The following FBXL2 variants were observed in gnomAD, a reference collection of about 807,000 sequenced individuals.
FBXL2 encodes F-box and leucine rich repeat protein 2, also known as F-box/LRR-repeat protein 2.
In FBXL2, 38 loss-of-function variants were observed where a neutral mutation model predicts 69.2. That is an observed-to-expected ratio of 0.55 (90% CI 0.42 to 0.72). The LOEUF (loss-of-function observed/expected upper bound fraction) is 0.72, where lower values mean the gene tolerates loss of function less well. FBXL2 is among the 30% of genes least tolerant of loss of function. The probability of loss-of-function intolerance (pLI) is 0.00; values close to 1 mark genes in which losing one functional copy is unlikely to be tolerated. For missense variants in FBXL2, 354 were observed against 520.3 expected, an observed-to-expected ratio of 0.68 and a Z score of 3.11; for synonymous variants, 192 against 201.3, an observed-to-expected ratio of 0.95 and a Z score of 0.39.
chr3:33,421,484 G>C, the FBXL2 span, among the ~76,000 whole-genome samples: 6 of 152,020 alleles, frequency 3.9e-5, no homozygotes, highest in Non-Finnish European at 5.9e-5. Context: ...TGGCCAGGCT[G>C]GTCTCGAACT....
At chr3:33,320,667 G>A (rs917799487) in intron 2 of FBXL2, among the ~76,000 whole-genome samples, 1 of 151,914 alleles carries the variant, frequency 6.6e-6, no homozygotes, top group African/African-American at 2.4e-5. Flanking sequence ...TTTTAGTAGA[G>A]ACGGGGTTTC....
chr3:33,345,024 A>C (rs970588438), intron 2 of FBXL2, among the ~76,000 whole-genome samples: 2 of 152,242 alleles, frequency 1.3e-5, no homozygotes, highest in Non-Finnish European at 2.9e-5. Context: ...AGATAGAAAC[A>C]ATGAAAGTCT....
intron 12 of FBXL2, chr3:33,393,460 AT>A (rs2154054542): frequency 6.3e-7 from 1 of 1,589,950 alleles, no homozygotes; most frequent in Non-Finnish European, 8.5e-7. Flanking sequence ...ATAAACTGAA[AT>A]TAAAAAAAAA....
chr3:33,302,549 C>T (rs1158413854), intron 2 of FBXL2, among the ~76,000 whole-genome samples: 2 of 152,124 alleles, frequency 1.3e-5, no homozygotes, highest in Non-Finnish European at 2.9e-5. Flanking sequence ...ACATGTAAAA[C>T]CCCTCATAGG....
At chr3:33,376,121 A>G (rs960870201) in intron 10 of FBXL2, among the ~76,000 whole-genome samples, 2 of 147,868 alleles carry the variant, frequency 1.4e-5, no homozygotes, top group African/African-American at 5.1e-5. Flanking sequence ...GTGCCACTGC[A>G]CTCTAGTCTA....
chr3:33,378,556 C>A, intron 12 of FBXL2, 129 bp from the exon 13 acceptor site: 1 of 872,244 alleles, frequency 1.1e-6, no homozygotes, highest in Non-Finnish European at 1.8e-6. Context: ...GAGGAGCTCC[C>A]AGCCCCAGAG....
intron 4 of FBXL2, among the ~76,000 whole-genome samples, chr3:33,360,917 A>G (rs1340356108): frequency 9.0e-6 from 1 of 111,570 alleles, no homozygotes; most frequent in African/African-American, 3.4e-5. Context: ...CACATGAAGA[A>G]CTTTTTTTTT....
At chr3:33,304,041 A>G (rs2125737797) in intron 2 of FBXL2, among the ~76,000 whole-genome samples, 1 of 152,116 alleles carries the variant, frequency 6.6e-6, no homozygotes, top group East Asian at 1.9e-4. Context: ...TTTAAATGCT[A>G]AATGTATGTA....
chr3:33,313,113 C>T (rs1165992275), intron 2 of FBXL2, among the ~76,000 whole-genome samples: 11 of 137,832 alleles, frequency 8.0e-5, no homozygotes, highest in East Asian at 4.4e-4. Flanking sequence ...AGTGAGACTC[C>T]GTCTCCAAGA....
the FBXL2 span, among the ~76,000 whole-genome samples, chr3:33,422,675 T>C: frequency 7.3e-6 from 1 of 137,160 alleles, no homozygotes; most frequent in African/African-American, 2.8e-5. Flanking sequence ...CAATAAGTCA[T>C]GATTGTACCA....
At chr3:33,297,801 A>C in intron 2 of FBXL2, 76 bp downstream of exon 2, 5 of 875,776 alleles carry the variant, frequency 5.7e-6, no homozygotes, top group East Asian at 2.4e-5. Flanking sequence ...CTTCTTTCTC[A>C]CTGTGAGTCC....
rs139002760 is a variant in FBXL2 at position 33,321,522 on chromosome 3, C to T, written c.65+23797C>T. ...CAAAAATTAAGAAATGTGACATTAT[C>T]CACAGTTGGAGAGGATGAAGATTCT... is the stretch of plus-strand genomic sequence containing the variant. On this transcript the variant is annotated intron_variant, in intron 2 of 14. Transcript: ENST00000484457. Among the ~76,000 whole-genome samples the T allele has an allele frequency of 3.0e-3, 453 of 152,202 alleles. 7 individuals are homozygous for T. Among genetic ancestry groups the T allele is most frequent in the Admixed American group, 1.3e-3 (20 of 15,290 alleles).
chr3:33,396,052 T>C (rs3817476), intron 12 of FBXL2: 198,808 of 974,710 alleles, frequency 0.2, 24,018 homozygotes, highest in East Asian at 0.44. Flanking sequence ...CATGAGCAAC[T>C]TGGCATTCCT....
chr3:33,383,959 C>A, intron 13 of FBXL2, 30 bp from the exon 14 acceptor site: 1 of 1,606,866 alleles, frequency 6.2e-7, no homozygotes, highest in Non-Finnish European at 8.5e-7. Flanking sequence ...AAGGGTCCTG[C>A]AAACATTTAC....
downstream of FBXL2, among the ~76,000 whole-genome samples, chr3:33,404,717 T>C (rs1482223415): frequency 6.6e-6 from 1 of 152,162 alleles, no homozygotes; most frequent in African/African-American, 2.4e-5. Context: ...GATTTTCAAT[T>C]ATTTGCTATC....
chr3:33,366,471 A>G (rs1356496407), intron 5 of FBXL2, among the ~76,000 whole-genome samples: 2 of 152,034 alleles, frequency 1.3e-5, no homozygotes, highest in Admixed American at 6.6e-5. Context: ...TTTTGAGACC[A>G]GCCTGAGCAA....
rs2043508202 is a variant in FBXL2 at position 33,387,278 on chromosome 3, A to T, written c.*1670A>T. On this transcript the variant is annotated 3_prime_UTR_variant, in exon 15 of 15. Transcript: ENST00000484457. ...AGCATATAACAGACTTGCTTCAGTG[A>T]TTATGAATTAGTTTAGTTTCTATTA... is the stretch of plus-strand genomic sequence containing the variant. The T allele has an allele frequency of 6.6e-6, 1 of 152,206 alleles. No homozygotes were observed. The highest frequency in any genetic ancestry group is 2.4e-5 in the African/African-American group (1 of 41,460). 9.4% of individuals were successfully genotyped at this position (152,206 alleles called of 1,614,324 possible).
chr3:33,389,162 T>G (rs1352053314), downstream of FBXL2: 1 of 152,652 alleles, frequency 6.6e-6, no homozygotes, highest in Non-Finnish European at 1.5e-5. Flanking sequence ...TTTGGTTTTA[T>G]GAAAGAGGCA....
chr3:33,310,600 C>A (rs961860851), intron 2 of FBXL2, among the ~76,000 whole-genome samples: 1 of 151,680 alleles, frequency 6.6e-6, no homozygotes, highest in Non-Finnish European at 1.5e-5. Flanking sequence ...CATATATTTT[C>A]TTTTATCTTT....
Sources: allele counts gnomAD v4.1 joint callset (sites outside exome capture counted in the v4.1 genomes callset), GRCh38; gene constraint gnomAD v4.1.1; transcripts MANE v1.5; gene names NCBI Gene and HGNC (gene_info 2026-07-23, HGNC 2026-07-21).